Variants in SLC39A9 observed in about 807,000 individuals in gnomAD.
SLC39A9 encodes the protein zinc transporter ZIP9.
In SLC39A9, 14 loss-of-function variants were observed where a neutral mutation model predicts 28.4. The observed-to-expected ratio is 0.49, with a 90% CI of 0.33 to 0.77. The LOEUF is 0.77. Among genes scored for constraint, SLC39A9 ranks in the 30% least tolerant of loss-of-function variants. The probability of loss-of-function intolerance (pLI) is 0.02; values close to 1 mark genes in which losing one functional copy is unlikely to be tolerated. For missense variants in SLC39A9, 283 were observed against 381.1 expected (o/e 0.74, Z 2.14); for synonymous variants, 119 against 149.6 (o/e 0.80, Z 1.49).
rs562680398 is a variant in SLC39A9, at chr14:69,459,247, C to T, written c.*654C>T. ...TAAACAGCTCCTTTGGCACGTGCCTCTCTGAATCCAGCCTGCCATTCCATC... is the reference window on the plus strand; with the variant it reads ...TAAACAGCTCCTTTGGCACGTGCCTTTCTGAATCCAGCCTGCCATTCCATC... On this transcript the variant is annotated 3_prime_UTR_variant, in exon 7 of 7. Transcript: ENST00000336643. The T allele has an allele frequency of 3.2e-5, 32 of 985,454 alleles. No homozygotes were observed. In the African/African-American group the frequency reaches 4.7e-4, roughly 14 times the overall value. The allele number at this position is 985,454 out of a possible 1,614,324, so 61.0% of individuals were successfully genotyped here. A position where few individuals can be genotyped will look rare whatever the true frequency, so the allele number is the denominator to read the frequency against.
intron 1 of SLC39A9, among the ~76,000 whole-genome samples, chr14:69,423,770 C>T (rs1300406545): frequency 2.6e-5 from 4 of 151,970 alleles, no homozygotes; most frequent in Admixed American, 6.6e-5. Context: ...TGGTGGTGCA[C>T]GCCTGTAATC....
At chr14:69,454,975 C>T in intron 5 of SLC39A9, 78 bp downstream of exon 5, 1 of 1,065,244 alleles carries the variant, frequency 9.4e-7, no homozygotes. Context: ...AATGTTTTTC[C>T]TGGAATGGGA....
At chr14:69,455,083 G>T (rs1317570582) in intron 5 of SLC39A9, among the ~76,000 whole-genome samples, 186 bp downstream of exon 5, 1 of 151,996 alleles carries the variant, frequency 6.6e-6, no homozygotes, top group Admixed American at 6.6e-5. Flanking sequence ...TCCTTGAGGG[G>T]TTTCAATTTT....
intron 1 of SLC39A9, among the ~76,000 whole-genome samples, chr14:69,410,905 G>C (rs892107970): frequency 2.0e-5 from 3 of 151,636 alleles, no homozygotes; most frequent in Admixed American, 6.6e-5. Context: ...GAGATAAAAT[G>C]TTTTCCGTAT....
chr14:69,424,013 A>G, intron 1 of SLC39A9, 81 bp from the exon 2 acceptor site: 1 of 944,010 alleles, frequency 1.1e-6, no homozygotes, highest in Non-Finnish European at 1.7e-6. Flanking sequence ...AGCAGCTCAC[A>G]GTCTTGATTA....
In SLC39A9 at chr14:69,402,975, A is replaced by G. The variant is rs188491253; in HGVS notation, c.96+3510A>G. ...CATGTGCCTGTAATCCCAGCTACTCAGGAGGCTGAGACAGGAGAATTGCTT... is the reference window on the plus strand; with the variant it reads ...CATGTGCCTGTAATCCCAGCTACTCGGGAGGCTGAGACAGGAGAATTGCTT... On this transcript the variant is annotated intron_variant, in intron 1 of 6. Transcript: ENST00000336643. Among the ~76,000 whole-genome samples, 1,108 of 152,232 alleles carry G rather than the reference A, an allele frequency of 7.3e-3. 13 individuals carry two copies. The highest frequency in any genetic ancestry group is 0.025 in the African/African-American group (1,053 of 41,544).
chr14:69,451,544 G>C (rs1200270223), intron 3 of SLC39A9, among the ~76,000 whole-genome samples: 1 of 152,172 alleles, frequency 6.6e-6, no homozygotes, highest in African/African-American at 2.4e-5. Flanking sequence ...AAGAGAGGTA[G>C]AAAATTTAAT....
At chr14:69,449,655 A>G (rs1409988721) in intron 3 of SLC39A9, among the ~76,000 whole-genome samples, 2 of 152,138 alleles carry the variant, frequency 1.3e-5, no homozygotes, top group East Asian at 3.9e-4. Flanking sequence ...AGAAACAAGG[A>G]TGGTCGAATT....
chr14:69,458,236 C>G (rs1422160899), intron 6 of SLC39A9, 127 bp from the exon 7 acceptor site: 37 of 1,172,270 alleles, frequency 3.2e-5, no homozygotes, highest in African/African-American at 6.1e-5. Flanking sequence ...TTGCTGTGTT[C>G]TCTAGATGTC....
At chr14:69,413,401 T>A (rs939125299) in intron 1 of SLC39A9, among the ~76,000 whole-genome samples, 3 of 152,014 alleles carry the variant, frequency 2.0e-5, no homozygotes, top group Non-Finnish European at 4.4e-5. Flanking sequence ...CAGGATTACC[T>A]CCTTTTAATT....
chr14:69,452,915 A>C (rs1885682352), intron 3 of SLC39A9, among the ~76,000 whole-genome samples: 2 of 152,150 alleles, frequency 1.3e-5, no homozygotes, highest in African/African-American at 4.8e-5. Flanking sequence ...AATAGGAGGA[A>C]GTTGGGGCCA....
In SLC39A9 at chr14:69,460,278, A is replaced by G. The variant is rs1478839913; in HGVS notation, c.*1685A>G. On this transcript the variant is annotated 3_prime_UTR_variant, in exon 7 of 7. Coordinates refer to ENST00000336643, the MANE Select transcript of SLC39A9 (RefSeq NM_018375.5). ...TTCATGAATTTGTCACTGGATCAGC[A>G]GCTGTGGAAATAAAGCTTGTGAGCC... 3.0e-6 allele frequency: 3 copies of G among 985,718 alleles called. No individual in the cohort carries two copies. The highest frequency in any genetic ancestry group is 3.6e-6 in the Non-Finnish European group (3 of 829,950). 61.1% of individuals were successfully genotyped at this position (985,718 alleles called of 1,614,324 possible).
At chr14:69,408,871 G>A (rs1250581084) in intron 1 of SLC39A9, among the ~76,000 whole-genome samples, 1 of 152,108 alleles carries the variant, frequency 6.6e-6, no homozygotes, top group African/African-American at 2.4e-5. Context: ...ACTTAGTAGA[G>A]GGGAAAACAT....
Position 69,460,682 on chromosome 14 carries a change from A to T in SLC39A9, c.*2089A>T, listed in dbSNP as rs1886075895. On this transcript the variant is annotated 3_prime_UTR_variant, in exon 7 of 7. Coordinates refer to ENST00000336643, the MANE Select transcript of SLC39A9 (RefSeq NM_018375.5). ...AAGTTTGGCTAGTATATCTTGCTGGATGGAGCCTTGAACTCCGGCAAGGAT... is the reference window on the plus strand; with the variant it reads ...AAGTTTGGCTAGTATATCTTGCTGGTTGGAGCCTTGAACTCCGGCAAGGAT... 1 of 985,298 alleles carries T rather than the reference A, an allele frequency of 1.0e-6. No individual in the cohort carries two copies. The highest frequency in any genetic ancestry group is 1.2e-6 in the Non-Finnish European group (1 of 829,954). 61.0% of individuals were successfully genotyped at this position (985,298 alleles called of 1,614,324 possible).
At chr14:69,425,007 G>A (rs1324947955) in intron 2 of SLC39A9, among the ~76,000 whole-genome samples, 1 of 152,196 alleles carries the variant, frequency 6.6e-6, no homozygotes, top group Non-Finnish European at 1.5e-5. Flanking sequence ...TATCCAGAAT[G>A]GTGATGCTCT....
chr14:69,446,428 A>G (rs1192869676), intron 3 of SLC39A9, among the ~76,000 whole-genome samples: 1 of 151,840 alleles, frequency 6.6e-6, no homozygotes, highest in Non-Finnish European at 1.5e-5. Flanking sequence ...AGCTTGGAAC[A>G]TCTAGAACTG....
At chr14:69,440,673 T>C (rs936478145) in intron 2 of SLC39A9, among the ~76,000 whole-genome samples, 1 of 152,052 alleles carries the variant, frequency 6.6e-6, no homozygotes, top group African/African-American at 2.4e-5. Flanking sequence ...TGAAACTGTT[T>C]TGTTTTGTTT....
intron 5 of SLC39A9, among the ~76,000 whole-genome samples, chr14:69,455,304 G>T (rs942275162): frequency 2.6e-4 from 39 of 151,738 alleles, no homozygotes; most frequent in South Asian, 6.3e-4. Context: ...TTGTTTTTTG[G>T]TTTTTTTTGT....
At chr14:69,421,578 C>G (rs566024180) in intron 1 of SLC39A9, among the ~76,000 whole-genome samples, 1 of 152,306 alleles carries the variant, frequency 6.6e-6, no homozygotes, top group South Asian at 2.1e-4. Context: ...GTTTCTGCTG[C>G]CTTTTATTCA....
Sources: gnomAD v4.1 joint callset for allele counts (sites outside exome capture counted in the v4.1 genomes callset) on GRCh38, gnomAD v4.1.1 for gene constraint, MANE v1.5 for transcripts, NCBI Gene and HGNC (gene_info 2026-07-23, HGNC 2026-07-21) for gene names.